Variants in GK observed in about 807,000 individuals in gnomAD.
GK encodes glycerol kinase.
Under a neutral mutation model 56.4 loss-of-function variants are expected in GK, and 9 were observed. The ratio of observed to expected loss-of-function variants is 0.16; its 90% CI spans 0.10 to 0.28. The LOEUF is 0.28. Ranked by LOEUF, GK falls within the 10% of genes least tolerant of loss-of-function variation. The pLI is 1.00. For missense variants in GK, 161 were observed against 431.4 expected (o/e 0.37, Z 5.55); for synonymous variants, 104 against 144.1 (o/e 0.72, Z 1.99).
At chrX:30,680,506 C>T (rs1246095144) in intron 4 of GK, among the ~76,000 whole-genome samples, 1 of 111,544 alleles carries the variant, frequency 9.0e-6, no homozygotes, top group Non-Finnish European at 1.9e-5. Flanking sequence ...CAGCTTGAGG[C>T]AAAACAGATG....
At chrX:30,658,188 A>G (rs900733859) in intron 1 of GK, among the ~76,000 whole-genome samples, 5 of 112,540 alleles carry the variant, frequency 4.4e-5, no homozygotes, top group African/African-American at 1.6e-4. Context: ...TCCTTCATTT[A>G]TGTATTCAAC....
chrX:30,713,501 G>A (rs1316809870), intron 13 of GK, among the ~76,000 whole-genome samples: 2 of 111,768 alleles, frequency 1.8e-5, no homozygotes, highest in Non-Finnish European at 3.8e-5. Context: ...GCTCATGTAA[G>A]CATCTGCATC....
At chrX:30,657,107 C>T (rs1179375802) in intron 1 of GK, among the ~76,000 whole-genome samples, 5 of 112,571 alleles carry the variant, frequency 4.4e-5, no homozygotes. Context: ...CGTTGGCCTC[C>T]CAAAGTGCTG....
At chrX:30,673,687 GC>G (rs1933693544) in intron 3 of GK, among the ~76,000 whole-genome samples, 1 of 111,715 alleles carries the variant, frequency 9.0e-6, no homozygotes, top group Non-Finnish European at 1.9e-5. Flanking sequence ...AAAAAGGAAT[GC>G]CCAGGGAGGA....
chrX:30,697,008 G>A (rs113396484), intron 8 of GK, among the ~76,000 whole-genome samples: 2,621 of 112,631 alleles, frequency 0.023, 52 homozygotes, highest in African/African-American at 0.074. Context: ...TTAATTTAGC[G>A]GAGAGACTCT....
chrX:30,697,768 A>C lies in GK; in HGVS notation c.747+19A>C. On this transcript the variant is annotated intron_variant, in intron 9 of 20. Coordinates refer to ENST00000427190, the MANE Select transcript of GK (RefSeq NM_001205019.2). ...TAGCGTGGTGAGTAGGTTGCCCGCCAATTATGTACCCATTCATTTGGAAAA... is the reference window on the plus strand; with the variant it reads ...TAGCGTGGTGAGTAGGTTGCCCGCCCATTATGTACCCATTCATTTGGAAAA... 5 of 1,126,920 alleles carry C rather than the reference A, an allele frequency of 4.4e-6. No homozygotes were observed. Among genetic ancestry groups the C allele is most frequent in the Non-Finnish European group, 6.1e-6 (5 of 818,605 alleles). The allele number at this position is 1,126,920 out of a possible 1,213,427, so 92.9% of individuals were successfully genotyped here.
intron 4 of GK, among the ~76,000 whole-genome samples, chrX:30,680,596 G>C (rs1258679008): frequency 9.8e-5 from 11 of 112,109 alleles, no homozygotes; most frequent in Non-Finnish European, 2.1e-4. Context: ...AACCAGAAAA[G>C]CTGGATGAAA....
chrX:30,675,399 G>A (rs112067950), intron 3 of GK, among the ~76,000 whole-genome samples: 5,737 of 107,584 alleles, frequency 0.053, 173 homozygotes, highest in Non-Finnish European at 0.077. Flanking sequence ...GGGTTTCACC[G>A]TGTTAGCCAG....
intron 4 of GK, chrX:30,678,058 A>G (rs778880150): frequency 9.4e-6 from 5 of 534,383 alleles, no homozygotes; most frequent in Admixed American, 2.6e-5. Context: ...TGTGACATCT[A>G]AAAGAGATCT....
At chrX:30,726,749 T>C (rs1937154785) in intron 19 of GK, among the ~76,000 whole-genome samples, 1 of 111,636 alleles carries the variant, frequency 9.0e-6, no homozygotes. Flanking sequence ...AATAGCAATA[T>C]AGATAGAATC....
At chrX:30,669,712 G>A (rs753202403) in intron 3 of GK, among the ~76,000 whole-genome samples, 10 of 110,837 alleles carry the variant, frequency 9.0e-5, no homozygotes, top group Non-Finnish European at 1.9e-4. Context: ...TGGTGGTGGT[G>A]GCTTGATTGC....
rs767773562 is a variant in GK at position 30,653,537 on chromosome X, C to T, written c.-1C>T. On this transcript the variant is annotated 5_prime_UTR_variant, in exon 1 of 21. Transcript: ENST00000427190. ...TCGCCGGCCGACCTGAAGCTGGTTT[C>T]ATGGCAGCCTCAAAGAAGGCAGTTT... 2.5e-6 allele frequency: 3 copies of T among 1,210,411 alleles called. No individual in the cohort carries two copies. Among genetic ancestry groups the T allele is most frequent in the Non-Finnish European group, 3.4e-6 (3 of 893,948 alleles).
chrX:30,663,306 ATTT>A (rs2147133437), intron 1 of GK, among the ~76,000 whole-genome samples: 1 of 112,032 alleles, frequency 8.9e-6, no homozygotes, highest in Non-Finnish European at 1.9e-5. Flanking sequence ...AGTGTTTCTC[ATTT>A]TATCTGATAA....
rs776533571 is a variant in GK, at chrX:30,659,341, T to G, written c.78+5726T>G. On this transcript the variant is annotated intron_variant, in intron 1 of 20. Coordinates refer to ENST00000427190, the MANE Select transcript of GK (RefSeq NM_001205019.2). ...AGCCACCGTGCTCGGCCAATTTCAT[T>G]TTTAAGAAAAACATAATTTCATTTG... 1.4e-4 allele frequency among the ~76,000 whole-genome samples: 16 copies of G among 112,843 alleles called. No homozygotes were observed. In the South Asian group the frequency reaches 2.5e-3, roughly 18 times the overall value.
chrX:30,666,693 T>G (rs1420275195), intron 2 of GK, among the ~76,000 whole-genome samples: 2 of 112,323 alleles, frequency 1.8e-5, no homozygotes, highest in South Asian at 3.6e-4. Context: ...TGAAAAAATG[T>G]TCTAATTTTT....
rs745452900 is a variant in GK, at chrX:30,697,764, C to T, written c.747+15C>T. 1.1e-5 allele frequency: 13 copies of T among 1,137,991 alleles called. No homozygotes were observed. Among genetic ancestry groups the T allele is most frequent in the East Asian group, 9.0e-5 (3 of 33,460 alleles). 93.8% of individuals were successfully genotyped at this position (1,137,991 alleles called of 1,213,427 possible). ...CTCATAGCGTGGTGAGTAGGTTGCC[C>T]GCCAATTATGTACCCATTCATTTGG... is the stretch of plus-strand genomic sequence containing the variant. On this transcript the variant is annotated intron_variant, in intron 9 of 20. Coordinates refer to ENST00000427190, the MANE Select transcript of GK (RefSeq NM_001205019.2).
Position 30,731,271 on chromosome X carries a change from G to A in GK, c.*2529G>A, listed in dbSNP as rs1473763135. 8.9e-6 allele frequency: 1 copy of A among 112,221 alleles called. No individual in the cohort carries two copies. The highest frequency in any genetic ancestry group is 1.9e-5 in the Non-Finnish European group (1 of 53,285). The allele number at this position is 112,221 out of a possible 1,213,427, so 9.2% of individuals were successfully genotyped here. A position where few individuals can be genotyped will look rare whatever the true frequency, so the allele number is the denominator to read the frequency against. Reference sequence around the variant, plus strand: ...AGCACAGAAGCTAATGGCATTGACAGTGGAGTAGGTAGTATTTAATCTGTA... The same window carrying A: ...AGCACAGAAGCTAATGGCATTGACAATGGAGTAGGTAGTATTTAATCTGTA... On this transcript the variant is annotated 3_prime_UTR_variant, in exon 21 of 21. Coordinates refer to ENST00000427190, the MANE Select transcript of GK (RefSeq NM_001205019.2).
chrX:30,677,987 C>T, intron 4 of GK: 1 of 550,181 alleles, frequency 1.8e-6, no homozygotes. Flanking sequence ...GCTCTCTCCT[C>T]TTGCAGATTG....
chrX:30,722,369 T>C (rs746805916), intron 18 of GK, among the ~76,000 whole-genome samples: 3 of 112,482 alleles, frequency 2.7e-5, no homozygotes, highest in Non-Finnish European at 5.6e-5. Flanking sequence ...AAATCAACTT[T>C]ATAATATGCA....
Sources: allele counts gnomAD v4.1 joint callset (sites outside exome capture counted in the v4.1 genomes callset), GRCh38; gene constraint gnomAD v4.1.1; transcripts MANE v1.5; gene names NCBI Gene and HGNC (gene_info 2026-07-23, HGNC 2026-07-21).